The following PRKCA variants were observed in gnomAD, a reference collection of about 807,000 sequenced individuals.
PRKCA encodes protein kinase C alpha, also known as protein kinase C alpha type.
A neutral mutation model predicts 87.0 loss-of-function variants in PRKCA; 27 were observed. The observed-to-expected ratio is 0.31, with a 90% confidence interval of 0.23 to 0.43. The LOEUF (loss-of-function observed/expected upper bound fraction) is 0.43. Among genes scored for constraint, PRKCA ranks in the 20% least tolerant of loss-of-function variants. The probability of loss-of-function intolerance (pLI) is 1.00; values close to 1 mark genes in which losing one functional copy is unlikely to be tolerated. For synonymous variants in PRKCA, 329 were observed against 311.1 expected, an observed-to-expected ratio of 1.06 and a Z score of -0.61; for missense variants, 518 against 852.3, an observed-to-expected ratio of 0.61 and a Z score of 4.88.
At chr17:66,607,635 G>C (rs977899199) in intron 3 of PRKCA, among the ~76,000 whole-genome samples, 1 of 152,168 alleles carries the variant, frequency 6.6e-6, no homozygotes, top group African/African-American at 2.4e-5. Context: ...CCAATTCAGG[G>C]AACTCTTGAG....
At position 66,476,354 on chromosome 17, in the gene PRKCA, C is replaced by T. The variant is rs542564241; in HGVS notation, c.206-19847C>T. Among the ~76,000 whole-genome samples, 159 of 152,304 alleles carry T rather than the reference C, an allele frequency of 1.0e-3. 1 individual carries two copies. Among genetic ancestry groups the T allele is most frequent in the African/African-American group, 3.6e-3 (149 of 41,566 alleles). ...AAGCCTGGTGCTTGGGGGCATGTTG[C>T]CTCCCTGCTGCACAGCACTTCCTGC... On this transcript the variant is annotated intron_variant, in intron 2 of 16. Transcript: ENST00000413366.
chr17:66,788,580 T>G (rs1975457099), intron 15 of PRKCA, among the ~76,000 whole-genome samples: 1 of 152,144 alleles, frequency 6.6e-6, no homozygotes, highest in African/African-American at 2.4e-5. Context: ...TAAATTCTTC[T>G]TCCATTTGGC....
intron 2 of PRKCA, among the ~76,000 whole-genome samples, chr17:66,366,214 T>C (rs1259474795): frequency 6.6e-6 from 1 of 152,108 alleles, no homozygotes; most frequent in Non-Finnish European, 1.5e-5. Flanking sequence ...TTTATGTGTT[T>C]TATTCATGAT....
chr17:66,578,018 C>G (rs957801034), intron 3 of PRKCA, among the ~76,000 whole-genome samples: 7 of 152,128 alleles, frequency 4.6e-5, no homozygotes, highest in African/African-American at 1.7e-4. Context: ...TGCGCCCCCT[C>G]CACCCCGTGA....
chr17:66,489,739 T>C (rs1215141582), intron 2 of PRKCA, among the ~76,000 whole-genome samples: 1 of 151,920 alleles, frequency 6.6e-6, no homozygotes, highest in Non-Finnish European at 1.5e-5. Flanking sequence ...CTTTCTTTCT[T>C]TTCCTTCCTT....
intron 3 of PRKCA, among the ~76,000 whole-genome samples, chr17:66,589,025 A>G (rs888224587): frequency 6.6e-6 from 1 of 152,192 alleles, no homozygotes; most frequent in Non-Finnish European, 1.5e-5. Flanking sequence ...AGACTTTAGT[A>G]ACAAGTTGCT....
chr17:66,585,332 G>C lies in PRKCA; in HGVS notation c.289-56023G>C, dbSNP rs114193153. 4.4e-3 allele frequency among the ~76,000 whole-genome samples: 669 copies of C among 152,272 alleles called. 4 individuals are homozygous for C. The highest frequency in any genetic ancestry group is 0.015 in the African/African-American group (607 of 41,552). ...CCCAGGTAGCCATTTCCTATCCGCAGAGCTGCCGGCATTCACCCGTGCAAG... is the reference window on the plus strand; with the variant it reads ...CCCAGGTAGCCATTTCCTATCCGCACAGCTGCCGGCATTCACCCGTGCAAG... On this transcript the variant is annotated intron_variant, in intron 3 of 16. Transcript: ENST00000413366.
rs192561020 is a variant in PRKCA, at chr17:66,604,049, T to C, written c.289-37306T>C. On this transcript the variant is annotated intron_variant, in intron 3 of 16. Transcript: ENST00000413366. ...TGAGTTGTTTGCACCTTCCCCCGCT[T>C]CCCACTGAAGCCTTCCTCTCCATCA... 2.0e-4 allele frequency among the ~76,000 whole-genome samples: 30 copies of C among 152,280 alleles called. 1 individual carries two copies. In the East Asian group the frequency reaches 3.9e-3, roughly 20 times the overall value.
intron 2 of PRKCA, among the ~76,000 whole-genome samples, chr17:66,433,221 T>C (rs2143838614): frequency 6.6e-6 from 1 of 152,238 alleles, no homozygotes; most frequent in East Asian, 1.9e-4. Flanking sequence ...GTGTTCCCAG[T>C]AGTGTGTGCC....
intron 2 of PRKCA, among the ~76,000 whole-genome samples, chr17:66,336,034 G>T (rs1487027052): frequency 6.6e-6 from 1 of 151,992 alleles, no homozygotes; most frequent in Non-Finnish European, 1.5e-5. Flanking sequence ...AAAATAAATT[G>T]CCTGTTAAGC....
intron 3 of PRKCA, among the ~76,000 whole-genome samples, chr17:66,540,993 C>T (rs146915722): frequency 1.3e-5 from 2 of 152,066 alleles, no homozygotes; most frequent in African/African-American, 4.8e-5. Flanking sequence ...TTGGTAGAAC[C>T]CTACAGAGGT....
At chr17:66,722,131 G>A (rs1182868861) in intron 8 of PRKCA, among the ~76,000 whole-genome samples, 1 of 152,056 alleles carries the variant, frequency 6.6e-6, no homozygotes, top group Non-Finnish European at 1.5e-5. Flanking sequence ...TTGTATTAGA[G>A]GTCAGAAATT....
chr17:66,544,965 A>G (rs970600527), intron 3 of PRKCA, among the ~76,000 whole-genome samples: 1 of 152,170 alleles, frequency 6.6e-6, no homozygotes, highest in African/African-American at 2.4e-5. Flanking sequence ...TATTTTCTCT[A>G]TTTTACAGAT....
rs7207473 is a variant in PRKCA, at chr17:66,810,117, A to C, written c.*6080A>C. 8 of 152,182 alleles carry C rather than the reference A, an allele frequency of 5.3e-5. No individual in the cohort carries two copies. Among genetic ancestry groups the C allele is most frequent in the Non-Finnish European group, 1.0e-4 (7 of 68,024 alleles). 9.4% of individuals were successfully genotyped at this position (152,182 alleles called of 1,614,324 possible). On this transcript the variant is annotated 3_prime_UTR_variant, in exon 17 of 17. Coordinates refer to ENST00000413366, the MANE Select transcript of PRKCA (RefSeq NM_002737.3). ...TAGGTGTCAAGTCCACTTTATAAGAACCTTTTTTTCTAAAATAAGATAAAA... is the reference window on the plus strand; with the variant it reads ...TAGGTGTCAAGTCCACTTTATAAGACCCTTTTTTTCTAAAATAAGATAAAA...
intron 3 of PRKCA, among the ~76,000 whole-genome samples, chr17:66,626,863 A>G (rs947965861): frequency 6.6e-6 from 1 of 152,180 alleles, no homozygotes; most frequent in African/African-American, 2.4e-5. Flanking sequence ...TAGGAGAAAC[A>G]ATAATTTGGA....
At chr17:66,504,194 G>A (rs143610915) in intron 3 of PRKCA, among the ~76,000 whole-genome samples, 2 of 152,294 alleles carry the variant, frequency 1.3e-5, no homozygotes, top group Non-Finnish European at 1.5e-5. Flanking sequence ...GCCCTGTACT[G>A]TGAAGGTTAC....
intron 3 of PRKCA, among the ~76,000 whole-genome samples, chr17:66,578,132 AT>A (rs1393538632): frequency 6.1e-5 from 9 of 147,250 alleles, no homozygotes; most frequent in Non-Finnish European, 1.0e-4. Flanking sequence ...GAGAGACTGA[AT>A]TTAAAACAAA....
At chr17:66,686,682 G>A (rs1181650365) in intron 5 of PRKCA, among the ~76,000 whole-genome samples, 9 of 152,122 alleles carry the variant, frequency 5.9e-5, no homozygotes, top group Admixed American at 1.3e-4. Context: ...GCTCAGGTGC[G>A]TGTGTGGCAC....
At chr17:66,583,709 A>G (rs1437097800) in intron 3 of PRKCA, among the ~76,000 whole-genome samples, 1 of 152,112 alleles carries the variant, frequency 6.6e-6, no homozygotes, top group Non-Finnish European at 1.5e-5. Context: ...GGGATTACAG[A>G]TGATAAGTAT....
Sources: allele counts gnomAD v4.1 joint callset (sites outside exome capture counted in the v4.1 genomes callset), GRCh38; gene constraint gnomAD v4.1.1; transcripts MANE v1.5; gene names NCBI Gene and HGNC (gene_info 2026-07-23, HGNC 2026-07-21).